The following DYNC2I1 variants were observed in gnomAD, a reference collection of about 807,000 sequenced individuals.
DYNC2I1 encodes the protein cytoplasmic dynein 2 intermediate chain 1.
A neutral mutation model predicts 133.4 loss-of-function variants in DYNC2I1; 89 were observed. The observed-to-expected ratio is 0.67, with a 90% CI of 0.56 to 0.80. The LOEUF (loss-of-function observed/expected upper bound fraction) is 0.80, where lower values mean the gene tolerates loss of function less well. Ranked by LOEUF, DYNC2I1 falls within the 30% of genes least tolerant of loss-of-function variation. The probability of loss-of-function intolerance (pLI) is 0.00; values close to 1 mark genes in which losing one functional copy is unlikely to be tolerated. For missense variants in DYNC2I1, 1,291 were observed against 1,314.5 expected (o/e 0.98, Z 0.28); for synonymous variants, 504 against 484.3 (o/e 1.04, Z -0.54).
At chr7:158,870,010 G>C in intron 2 of DYNC2I1, 102 bp downstream of exon 2, 1 of 951,300 alleles carries the variant, frequency 1.1e-6, no homozygotes, top group Non-Finnish European at 1.6e-6. Flanking sequence ...TTGGTTATGT[G>C]TGCCTCATTT....
At position 158,858,059 on chromosome 7, in the gene DYNC2I1, G is replaced by C. The variant is rs574407753; in HGVS notation, c.15+1309G>C. On this transcript the variant is annotated intron_variant, in intron 1 of 24. Coordinates refer to ENST00000407559, the MANE Select transcript of DYNC2I1 (RefSeq NM_018051.5). Reference sequence around the variant, plus strand: ...GCCCGCCTTGGCCTCCCAAAGTGCTGGGATTACAGGCGTGAGCCACCGCGC... The same window carrying C: ...GCCCGCCTTGGCCTCCCAAAGTGCTCGGATTACAGGCGTGAGCCACCGCGC... Among the ~76,000 whole-genome samples the C allele has an allele frequency of 5.3e-5, 8 of 152,130 alleles. No homozygotes were observed. In the South Asian group the frequency reaches 1.5e-3, roughly 28 times the overall value.
At chr7:158,846,463 A>T in the DYNC2I1 span, among the ~76,000 whole-genome samples, 1 of 152,308 alleles carries the variant, frequency 6.6e-6, no homozygotes, top group East Asian at 1.9e-4. Context: ...CAAACCATAA[A>T]GTTCAAGCAT....
upstream of DYNC2I1, among the ~76,000 whole-genome samples, chr7:158,852,536 C>T (rs1381751638): frequency 2.0e-5 from 3 of 151,524 alleles, no homozygotes; most frequent in Non-Finnish European, 2.9e-5. Flanking sequence ...GTCAGGAGTT[C>T]GAGACCAGCC....
chr7:158,877,667 T>TA (rs1298686912), intron 4 of DYNC2I1, among the ~76,000 whole-genome samples: 3 of 152,244 alleles, frequency 2.0e-5, no homozygotes, highest in African/African-American at 4.8e-5. Flanking sequence ...TTTTGTTATT[T>TA]ACCACTTGTG....
chr7:158,933,150 C>T (rs919136304), intron 21 of DYNC2I1, among the ~76,000 whole-genome samples: 7 of 152,160 alleles, frequency 4.6e-5, no homozygotes, highest in African/African-American at 1.4e-4. Context: ...AGCATGGCCA[C>T]ATGCTGACTT....
At chr7:158,910,833 A>G (rs541125719) in intron 11 of DYNC2I1, among the ~76,000 whole-genome samples, 1 of 143,032 alleles carries the variant, frequency 7.0e-6, no homozygotes, top group African/African-American at 2.7e-5. Flanking sequence ...GCCAAGGGTG[A>G]TTGGCTGTGT....
rs1398260564 is a variant in DYNC2I1, at chr7:158,952,424, TC to T, written c.*57-4157del. 4.6e-5 allele frequency among the ~76,000 whole-genome samples: 7 copies of T among 152,308 alleles called. No individual in the cohort carries two copies. In the East Asian group the frequency reaches 1.2e-3, roughly 25 times the overall value. ...CATGGCTAAGGGGGTGCAAGAAGCT[TC>T]CTAGGTCTGGGTTAGAGAAGGCCTC... On this transcript the variant is annotated intron_variant and NMD_transcript_variant, in intron 4 of 4. Coordinates refer to the DYNC2I1 transcript ENST00000454771.
intron 23 of DYNC2I1, among the ~76,000 whole-genome samples, chr7:158,939,816 A>G (rs970213285): frequency 2.0e-5 from 3 of 152,238 alleles, no homozygotes; most frequent in African/African-American, 4.8e-5. Context: ...AAGAGTGGCT[A>G]TACTCATGGC....
intron 3 of DYNC2I1, among the ~76,000 whole-genome samples, chr7:158,874,974 C>A (rs563019818): frequency 2.6e-5 from 4 of 152,182 alleles, no homozygotes; most frequent in African/African-American, 9.6e-5. Flanking sequence ...TGATGCCCTG[C>A]TTTCTCTTCC....
chr7:158,923,272 G>T (rs576635084), intron 16 of DYNC2I1, among the ~76,000 whole-genome samples: 1 of 152,192 alleles, frequency 6.6e-6, no homozygotes, highest in South Asian at 2.1e-4. Flanking sequence ...AGGTTCAGCC[G>T]ATTGAGCTGA....
At chr7:158,933,554 T>A (rs1053190088) in intron 21 of DYNC2I1, among the ~76,000 whole-genome samples, 2 of 152,198 alleles carry the variant, frequency 1.3e-5, no homozygotes, top group African/African-American at 4.8e-5. Flanking sequence ...CAGAGGAGCT[T>A]GGAAGAGCTT....
chr7:158,896,992 T>C (rs1359016154), intron 8 of DYNC2I1, among the ~76,000 whole-genome samples: 1 of 150,826 alleles, frequency 6.6e-6, no homozygotes, highest in Admixed American at 6.6e-5. Flanking sequence ...TTTCTTTTTT[T>C]TTTTTTTTTG....
At chr7:158,912,462 A>AT (rs988365232) in intron 12 of DYNC2I1, among the ~76,000 whole-genome samples, 5 of 152,052 alleles carry the variant, frequency 3.3e-5, no homozygotes, top group Admixed American at 6.6e-5. Flanking sequence ...AAATTTTTAA[A>AT]TTTTTTTTAA....
At chr7:158,862,823 T>C (rs538744838) in intron 1 of DYNC2I1, among the ~76,000 whole-genome samples, 8 of 151,838 alleles carry the variant, frequency 5.3e-5, no homozygotes, top group African/African-American at 1.7e-4. Context: ...GTGTCTGGAG[T>C]TTCTTCCTTC....
At chr7:158,892,322 A>G (rs935821820) in intron 8 of DYNC2I1, among the ~76,000 whole-genome samples, 4 of 152,254 alleles carry the variant, frequency 2.6e-5, no homozygotes, top group Admixed American at 6.5e-5. Flanking sequence ...TACTGATACA[A>G]TAAATGTAGT....
chr7:158,922,306 C>A, intron 15 of DYNC2I1, 71 bp from the exon 16 acceptor site: 1 of 1,480,250 alleles, frequency 6.8e-7, no homozygotes, highest in Non-Finnish European at 9.2e-7. Flanking sequence ...TTTGAGTATT[C>A]GGAAGTGTGT....
At chr7:158,942,485 A>C (rs892399104) in intron 24 of DYNC2I1, among the ~76,000 whole-genome samples, 1 of 152,212 alleles carries the variant, frequency 6.6e-6, no homozygotes, top group Non-Finnish European at 1.5e-5. Flanking sequence ...TGTGCATTTA[A>C]ATAATATTTT....
At chr7:158,900,040 T>A (rs1028139116) in intron 8 of DYNC2I1, among the ~76,000 whole-genome samples, 4 of 152,184 alleles carry the variant, frequency 2.6e-5, no homozygotes, top group Non-Finnish European at 4.4e-5. Flanking sequence ...CTGCTGAATA[T>A]TTTTCTCTCA....
intron 21 of DYNC2I1, 89 bp downstream of exon 21, chr7:158,930,604 C>A: frequency 9.5e-7 from 1 of 1,049,106 alleles, no homozygotes; most frequent in Non-Finnish European, 1.4e-6. Flanking sequence ...AAATGGTGAG[C>A]TTTTGCGATG....
Sources: gnomAD v4.1 joint callset for allele counts (sites outside exome capture counted in the v4.1 genomes callset) on GRCh38, gnomAD v4.1.1 for gene constraint, MANE v1.5 for transcripts, NCBI Gene and HGNC (gene_info 2026-07-23, HGNC 2026-07-21) for gene names.